The following GPBP1 variants were observed in gnomAD, a reference collection of about 807,000 sequenced individuals.
GPBP1 encodes the protein vasculin.
A neutral mutation model predicts 56.5 loss-of-function variants in GPBP1; 13 were observed. The ratio of observed to expected loss-of-function variants is 0.23; its 90% CI spans 0.15 to 0.37. GPBP1 has a LOEUF of 0.37. Ranked by LOEUF, GPBP1 falls within the 10% of genes least tolerant of loss-of-function variation. GPBP1 has a pLI of 1.00. For synonymous variants in GPBP1, 204 were observed against 188.9 expected (o/e 1.08, Z -0.66); for missense variants, 477 against 572.3 (o/e 0.83, Z 1.70).
chr5:57,243,416 T>G (rs1437326127), intron 6 of GPBP1, among the ~76,000 whole-genome samples: 1 of 152,124 alleles, frequency 6.6e-6, no homozygotes, highest in Non-Finnish European at 1.5e-5. Context: ...CCCTTTCCTC[T>G]CAGTCCCTAT....
rs374230874 is a variant in GPBP1, at chr5:57,207,925, G to A, written c.-57-6149G>A. ...CCAGCTATTTGTGTGTTCTTCCGCC[G>A]ATATGTCCCTCTCGATGACGTCCAG... On this transcript the variant is annotated intron_variant, in intron 2 of 11. Transcript: ENST00000506184. Among the ~76,000 whole-genome samples, 16 of 152,106 alleles carry A rather than the reference G, an allele frequency of 1.1e-4. No homozygotes were observed. In the South Asian group the frequency reaches 3.3e-3, roughly 32 times the overall value.
At chr5:57,200,115 G>T (rs1754942213) in intron 2 of GPBP1, among the ~76,000 whole-genome samples, 1 of 120,990 alleles carries the variant, frequency 8.3e-6, no homozygotes, top group East Asian at 2.6e-4. Flanking sequence ...ACCTCACCTT[G>T]CCTCACCCGT....
intron 8 of GPBP1, among the ~76,000 whole-genome samples, chr5:57,248,438 T>G (rs962708148): frequency 3.9e-4 from 46 of 117,830 alleles, no homozygotes; most frequent in African/African-American, 1.4e-3. Flanking sequence ...TTTTTTTTTT[T>G]TTTTTTTGAG....
chr5:57,257,578 A>C (rs542560996), intron 10 of GPBP1, among the ~76,000 whole-genome samples: 1 of 152,274 alleles, frequency 6.6e-6, no homozygotes, highest in South Asian at 2.1e-4. Context: ...CTTGGGTACC[A>C]GTCAGAGGTT....
chr5:57,174,369 G>T (rs938254559), intron 1 of GPBP1, among the ~76,000 whole-genome samples, 158 bp downstream of exon 1: 1 of 152,082 alleles, frequency 6.6e-6, no homozygotes, highest in African/African-American at 2.4e-5. Flanking sequence ...TGAGAGGGGG[G>T]AGAGGCGCAG....
At chr5:57,249,244 T>G (rs1741245415) in intron 8 of GPBP1, 165 bp from the exon 9 acceptor site, 3 of 493,032 alleles carry the variant, frequency 6.1e-6, no homozygotes, top group Non-Finnish European at 1.1e-5. Context: ...GTTGACTCAT[T>G]CAGTAGGGGA....
chr5:57,224,864 G>A lies in GPBP1; in HGVS notation c.64-5982G>A, dbSNP rs1045236459. ...ATTCTAACTTATTAGATTCTCTTGG[G>A]TTGACATCCTAGATCATGAAGACAA... On this transcript the variant is annotated intron_variant, in intron 3 of 11. Transcript: ENST00000506184. 2.0e-5 allele frequency among the ~76,000 whole-genome samples: 3 copies of A among 151,236 alleles called. No individual in the cohort carries two copies. In the East Asian group the frequency reaches 5.8e-4, roughly 29 times the overall value.
At chr5:57,231,349 T>C in intron 5 of GPBP1, 28 bp downstream of exon 5, 2 of 1,564,218 alleles carry the variant, frequency 1.3e-6, no homozygotes, top group Non-Finnish European at 1.7e-6. Context: ...TTTATACAAA[T>C]GAAGTTTCTG....
chr5:57,261,431 T>C, intron 11 of GPBP1, 149 bp downstream of exon 11: 1 of 573,840 alleles, frequency 1.7e-6, no homozygotes, highest in South Asian at 2.1e-5. Flanking sequence ...GAGGACAGGC[T>C]TTTGCTATGG....
intron 10 of GPBP1, among the ~76,000 whole-genome samples, chr5:57,251,657 T>C (rs143106725): frequency 6.6e-6 from 1 of 152,110 alleles, no homozygotes; most frequent in Non-Finnish European, 1.5e-5. Context: ...AACATTCATA[T>C]ATAAGTTCTT....
In GPBP1 at chr5:57,228,454, CA is replaced by C. The variant is rs566335105; in HGVS notation, c.64-2379del. On this transcript the variant is annotated intron_variant, in intron 3 of 11. Coordinates refer to ENST00000506184, the MANE Select transcript of GPBP1 (RefSeq NM_022913.4). ...TGGGTGACAGAGCGAGACTCTGTCT[CA>C]AAAAAAAAAAAAGTCTGCATCTATA... Among the ~76,000 whole-genome samples, 416 of 134,718 alleles carry C rather than the reference CA, an allele frequency of 3.1e-3. 3 individuals carry two copies. The highest frequency in any genetic ancestry group is 6.8e-3 in the African/African-American group (240 of 35,462). 88.4% of individuals were successfully genotyped at this position (134,718 alleles called of 152,430 possible).
chr5:57,193,264 C>G (rs1754605710), intron 2 of GPBP1, among the ~76,000 whole-genome samples: 1 of 152,028 alleles, frequency 6.6e-6, no homozygotes, highest in Non-Finnish European at 1.5e-5. Flanking sequence ...TGCAGTGAGC[C>G]GAGATCGAGC....
intron 2 of GPBP1, among the ~76,000 whole-genome samples, chr5:57,184,890 G>GT (rs1754216957): frequency 6.6e-6 from 1 of 152,138 alleles, no homozygotes; most frequent in Non-Finnish European, 1.5e-5. Flanking sequence ...TTTCATGCAT[G>GT]TTGTTTCATG....
At chr5:57,231,379 T>G (rs1756453072) in intron 5 of GPBP1, 58 bp downstream of exon 5, 2 of 1,365,390 alleles carry the variant, frequency 1.5e-6, no homozygotes, top group Admixed American at 2.0e-5. Context: ...TTTTAAGTGA[T>G]TCTCCTGCCT....
chr5:57,225,033 CTAGGTTCAAG>C (rs1303685598), intron 3 of GPBP1, among the ~76,000 whole-genome samples: 1 of 152,054 alleles, frequency 6.6e-6, no homozygotes, highest in African/African-American at 2.4e-5. Flanking sequence ...GATGAAAAGT[CTAGGTTCAAG>C]TAGGAGATTT....
chr5:57,254,964 C>T (rs913093648), intron 10 of GPBP1, among the ~76,000 whole-genome samples: 24 of 152,324 alleles, frequency 1.6e-4, no homozygotes, highest in African/African-American at 5.8e-4. Context: ...TTGTGACTAA[C>T]AGGCTTGAGT....
At chr5:57,196,924 G>A (rs1056835536) in intron 2 of GPBP1, among the ~76,000 whole-genome samples, 3 of 152,046 alleles carry the variant, frequency 2.0e-5, no homozygotes, top group African/African-American at 7.2e-5. Flanking sequence ...CGGGATTACA[G>A]GAGTACACCA....
At chr5:57,238,413 C>G (rs1740637856) in intron 6 of GPBP1, among the ~76,000 whole-genome samples, 1 of 152,096 alleles carries the variant, frequency 6.6e-6, no homozygotes, top group Non-Finnish European at 1.5e-5. Context: ...AAAGAATTAG[C>G]CGGGTGTGGT....
intron 2 of GPBP1, among the ~76,000 whole-genome samples, chr5:57,192,709 C>A (rs530575724): frequency 6.9e-6 from 1 of 144,658 alleles, no homozygotes; most frequent in African/African-American, 2.6e-5. Context: ...GCTGCGATCA[C>A]GCCATTGCAC....
Sources: gnomAD v4.1 joint callset for allele counts (sites outside exome capture counted in the v4.1 genomes callset) on GRCh38, gnomAD v4.1.1 for gene constraint, MANE v1.5 for transcripts, NCBI Gene and HGNC (gene_info 2026-07-23, HGNC 2026-07-21) for gene names.